Variants in NCKAP1 observed in about 807,000 individuals in gnomAD.
NCKAP1 encodes nck-associated protein 1.
A neutral mutation model predicts 151.2 loss-of-function variants in NCKAP1; 21 were observed. That is an observed-to-expected ratio of 0.14 (90% CI 0.10 to 0.20). The LOEUF is 0.20. Among genes scored for constraint, NCKAP1 ranks in the 10% least tolerant of loss-of-function variants. The pLI, the probability that NCKAP1 is intolerant of heterozygous loss-of-function variation, is 1.00. For synonymous variants in NCKAP1, 484 were observed against 451.8 expected (o/e 1.07, Z -0.90); for missense variants, 933 against 1,352.1 (o/e 0.69, Z 4.86).
rs1482304285 is a variant in NCKAP1, at chr2:182,922,350, C to G, written c.*3352G>C. ...ATTCATGTTCATTTCCTTTATTAACCAGCCTACATTAGATTTAATTTGTGA... is the reference window on the plus strand; with the variant it reads ...ATTCATGTTCATTTCCTTTATTAACGAGCCTACATTAGATTTAATTTGTGA... On this transcript the variant is annotated 3_prime_UTR_variant, in exon 31 of 31. Coordinates refer to ENST00000361354, the MANE Select transcript of NCKAP1 (RefSeq NM_013436.5). 1.3e-5 allele frequency: 2 copies of G among 152,154 alleles called. No homozygotes were observed. The highest frequency in any genetic ancestry group is 2.9e-5 in the Non-Finnish European group (2 of 68,032). 9.4% of individuals were successfully genotyped at this position (152,154 alleles called of 1,614,324 possible).
At chr2:183,014,402 G>C (rs537589297) in intron 2 of NCKAP1, among the ~76,000 whole-genome samples, 1 of 152,032 alleles carries the variant, frequency 6.6e-6, no homozygotes, top group African/African-American at 2.4e-5. Context: ...AAAAAGTCGA[G>C]GCAAAAGAAA....
chr2:182,932,686 T>C (rs1042883477), intron 26 of NCKAP1, among the ~76,000 whole-genome samples: 3 of 151,924 alleles, frequency 2.0e-5, no homozygotes, highest in Non-Finnish European at 4.4e-5. Context: ...AAAAGTTAAG[T>C]TCTATTGAAA....
chr2:182,960,055 C>T (rs1234534427), intron 18 of NCKAP1, among the ~76,000 whole-genome samples: 2 of 152,144 alleles, frequency 1.3e-5, no homozygotes, highest in Non-Finnish European at 2.9e-5. Flanking sequence ...AGGAGAACTA[C>T]AAATCACTGC....
intron 1 of NCKAP1, among the ~76,000 whole-genome samples, chr2:183,035,516 A>G (rs1699085240): frequency 6.6e-6 from 1 of 152,108 alleles, no homozygotes; most frequent in South Asian, 2.1e-4. Flanking sequence ...ATGTATTATG[A>G]GGTGGAAGGT....
chr2:182,968,909 T>C (rs1171051055), intron 15 of NCKAP1, among the ~76,000 whole-genome samples: 1 of 152,184 alleles, frequency 6.6e-6, no homozygotes, highest in Non-Finnish European at 1.5e-5. Flanking sequence ...AATGAGACAG[T>C]GACACCACAA....
At chr2:182,961,226 T>C (rs1286141250) in intron 18 of NCKAP1, among the ~76,000 whole-genome samples, 1 of 152,164 alleles carries the variant, frequency 6.6e-6, no homozygotes, top group Non-Finnish European at 1.5e-5. Flanking sequence ...GCCATCCCAT[T>C]ACTGGGTATA....
At chr2:182,980,428 A>G (rs1697914243) in intron 13 of NCKAP1, among the ~76,000 whole-genome samples, 1 of 152,104 alleles carries the variant, frequency 6.6e-6, no homozygotes, top group Non-Finnish European at 1.5e-5. Flanking sequence ...GTCTTTATAT[A>G]AAGAGGATTC....
intron 2 of NCKAP1, among the ~76,000 whole-genome samples, chr2:183,013,245 T>C (rs1698622511): frequency 6.6e-6 from 1 of 152,150 alleles, no homozygotes; most frequent in East Asian, 1.9e-4. Flanking sequence ...TATAAACAAT[T>C]GGCTATTTGA....
At chr2:182,975,619 A>G (rs1433950403) in intron 15 of NCKAP1, among the ~76,000 whole-genome samples, 1 of 152,194 alleles carries the variant, frequency 6.6e-6, no homozygotes, top group Non-Finnish European at 1.5e-5. Context: ...TTTTAACAGC[A>G]AAACAGGCCA....
At chr2:182,930,906 G>A in intron 26 of NCKAP1, 118 bp from the exon 27 acceptor site, 8 of 761,954 alleles carry the variant, frequency 1.0e-5, no homozygotes, top group Non-Finnish European at 1.7e-5. Flanking sequence ...CTTGGCTGAA[G>A]CAGAAACTAC....
intron 10 of NCKAP1, among the ~76,000 whole-genome samples, chr2:182,983,770 T>A (rs1031158331): frequency 6.6e-6 from 1 of 152,330 alleles, no homozygotes; most frequent in East Asian, 1.9e-4. Flanking sequence ...CAGTGGCCCA[T>A]GCCTGTAATC....
chr2:182,958,888 G>C (rs540934218), intron 18 of NCKAP1, among the ~76,000 whole-genome samples: 2 of 152,298 alleles, frequency 1.3e-5, no homozygotes, highest in Admixed American at 1.3e-4. Context: ...TGTGTTATAA[G>C]ATAAACACCA....
intron 17 of NCKAP1, among the ~76,000 whole-genome samples, chr2:182,962,878 T>C (rs575842599): frequency 6.6e-6 from 1 of 151,940 alleles, no homozygotes; most frequent in South Asian, 2.1e-4. Context: ...CTCTTTTTAG[T>C]TTTAGTGGGC....
At chr2:182,959,819 G>C (rs2105830209) in intron 18 of NCKAP1, among the ~76,000 whole-genome samples, 1 of 152,184 alleles carries the variant, frequency 6.6e-6, no homozygotes, top group East Asian at 1.9e-4. Context: ...CAGGGGACAT[G>C]ATTGTATATC....
chr2:182,941,557 TAGG>T (rs955596336), intron 24 of NCKAP1, among the ~76,000 whole-genome samples: 12 of 152,186 alleles, frequency 7.9e-5, no homozygotes, highest in Non-Finnish European at 1.8e-4. Flanking sequence ...GAGACTGGGG[TAGG>T]AGACCAACTA....
intron 23 of NCKAP1, among the ~76,000 whole-genome samples, chr2:182,948,356 C>T (rs1309298967): frequency 1.3e-5 from 2 of 151,970 alleles, no homozygotes; most frequent in East Asian, 3.8e-4. Context: ...TTTTAACATC[C>T]TTAACCATCT....
chr2:182,970,929 C>T (rs1356429901), intron 15 of NCKAP1, among the ~76,000 whole-genome samples: 2 of 151,974 alleles, frequency 1.3e-5, no homozygotes, highest in African/African-American at 4.8e-5. Flanking sequence ...ATACAAAAAT[C>T]AGAGGCATTT....
chr2:182,928,098 GTTAT>G lies in NCKAP1; in HGVS notation c.3180+15_3180+18del. Reference sequence around the variant, plus strand: ...TTCTTTATAAAATGTGATGAGTTTTGTTATTTGATTATACATACCGCCAGAAATT... The same window carrying G: ...TTCTTTATAAAATGTGATGAGTTTTGTTGATTATACATACCGCCAGAAATT... On this transcript the variant is annotated intron_variant, in intron 29 of 30. Transcript: ENST00000361354. 2 of 1,509,202 alleles carry G rather than the reference GTTAT, an allele frequency of 1.3e-6. No individual in the cohort carries two copies. Among genetic ancestry groups the G allele is most frequent in the South Asian group, 2.4e-5 (2 of 84,500 alleles). The allele number at this position is 1,509,202 out of a possible 1,614,324, so 93.5% of individuals were successfully genotyped here. A position where few individuals can be genotyped will look rare whatever the true frequency, so the allele number is the denominator to read the frequency against.
At position 182,922,837 on chromosome 2, in the gene NCKAP1, A is replaced by AC. The variant is rs2105792469; in HGVS notation, c.*2864dup. On this transcript the variant is annotated 3_prime_UTR_variant, in exon 31 of 31. Coordinates refer to ENST00000361354, the MANE Select transcript of NCKAP1 (RefSeq NM_013436.5). ...AGACCAGCCTGGCCAACATGGTAAA[A>AC]CCCCATCTCTACTAAAAATACCAAA... The AC allele has an allele frequency of 6.6e-6, 1 of 152,164 alleles. No homozygotes were observed. The highest frequency in any genetic ancestry group is 2.1e-4 in the South Asian group (1 of 4,816). The allele number at this position is 152,164 out of a possible 1,614,324, so 9.4% of individuals were successfully genotyped here.
Sources: allele counts gnomAD v4.1 joint callset (sites outside exome capture counted in the v4.1 genomes callset), GRCh38; gene constraint gnomAD v4.1.1; transcripts MANE v1.5; gene names NCBI Gene and HGNC (gene_info 2026-07-23, HGNC 2026-07-21).